HM13: variants seen among roughly 807,000 people sequenced by gnomAD.
HM13 encodes the protein signal peptide peptidase.
A neutral mutation model predicts 50.0 loss-of-function variants in HM13; 18 were observed. The ratio of observed to expected loss-of-function variants is 0.36; its 90% confidence interval spans 0.25 to 0.53. The LOEUF (loss-of-function observed/expected upper bound fraction) is 0.53. HM13 is among the 20% of genes least tolerant of loss of function. HM13 has a pLI of 0.90. For missense variants in HM13, 393 were observed against 552.4 expected, an observed-to-expected ratio of 0.71 and a Z score of 2.89; for synonymous variants, 197 against 232.6, an observed-to-expected ratio of 0.85 and a Z score of 1.39.
chr20:31,542,173 T>C (rs1983483998), intron 3 of HM13, among the ~76,000 whole-genome samples: 2 of 152,172 alleles, frequency 1.3e-5, no homozygotes, highest in Non-Finnish European at 2.9e-5. Flanking sequence ...ATTAAGCCTC[T>C]TTGGAACAAA....
chr20:31,552,664 T>A (rs1474761532), intron 7 of HM13, among the ~76,000 whole-genome samples: 1 of 152,160 alleles, frequency 6.6e-6, no homozygotes, highest in Non-Finnish European at 1.5e-5. Flanking sequence ...CCGTGTGGCC[T>A]TGGGGAGAAG....
intron 7 of HM13, among the ~76,000 whole-genome samples, chr20:31,552,207 T>C (rs1157457112): frequency 1.3e-5 from 2 of 152,128 alleles, no homozygotes; most frequent in African/African-American, 4.8e-5. Context: ...GGAAAATCTT[T>C]TCTGGGTCAT....
chr20:31,517,688 G>A (rs1422392681), intron 1 of HM13, among the ~76,000 whole-genome samples: 1 of 152,208 alleles, frequency 6.6e-6, no homozygotes, highest in African/African-American at 2.4e-5. Flanking sequence ...AGGCAGTGAA[G>A]AGTGTGGTGT....
In HM13 at chr20:31,549,116, T is replaced by C; in HGVS notation, c.540+2T>C. ...GGCGTCTGGTACCTGCTGAGGAAGG[T>C]GAGTAGTCAGGACCTGGGCAGAAGG... On this transcript the variant is annotated splice_donor_variant, in intron 5 of 12. Transcript: ENST00000398174. LOFTEE classifies it high-confidence loss of function. 6.2e-7 allele frequency: 1 copy of C among 1,613,822 alleles called. No individual in the cohort carries two copies. The highest frequency in any genetic ancestry group is 8.5e-7 in the Non-Finnish European group (1 of 1,179,832).
chr20:31,561,277 G>A (rs151080099), intron 9 of HM13, among the ~76,000 whole-genome samples: 58 of 152,200 alleles, frequency 3.8e-4, no homozygotes, highest in Middle Eastern at 3.4e-3. Context: ...ACTCCCTGGG[G>A]GTGGGACCTA....
At chr20:31,563,071 A>G (rs1309198991) in intron 10 of HM13, 1 of 152,306 alleles carries the variant, frequency 6.6e-6, no homozygotes, top group African/African-American at 2.4e-5. Flanking sequence ...TCTGGCACAC[A>G]GGAGTCCTCT....
At chr20:31,548,912 C>G in intron 4 of HM13, 117 bp from the exon 5 acceptor site, 1 of 914,716 alleles carries the variant, frequency 1.1e-6, no homozygotes, top group South Asian at 1.3e-5. Flanking sequence ...GGCTTAGCCC[C>G]GCCAGCCTGT....
intron 7 of HM13, among the ~76,000 whole-genome samples, chr20:31,553,864 A>T (rs1181969374): frequency 2.0e-5 from 3 of 152,062 alleles, no homozygotes; most frequent in Non-Finnish European, 4.4e-5. Context: ...GCTTCAGAAC[A>T]AGGGCCAACA....
intron 2 of HM13, among the ~76,000 whole-genome samples, chr20:31,534,034 C>T (rs899814097): frequency 2.0e-5 from 3 of 152,040 alleles, no homozygotes; most frequent in African/African-American, 7.2e-5. Context: ...CATGCACCAC[C>T]ACGCCCGCCT....
intron 7 of HM13, among the ~76,000 whole-genome samples, chr20:31,551,377 C>T (rs1030073501): frequency 6.6e-6 from 1 of 152,166 alleles, no homozygotes; most frequent in African/African-American, 2.4e-5. Flanking sequence ...GCTGCCACAG[C>T]TCCCAGCACT....
chr20:31,534,649 G>A (rs1983008147), intron 2 of HM13, among the ~76,000 whole-genome samples: 1 of 152,150 alleles, frequency 6.6e-6, no homozygotes, highest in Admixed American at 6.5e-5. Flanking sequence ...CAGGCGTGGT[G>A]GCACACACCT....
chr20:31,551,731 G>C (rs963195204), intron 7 of HM13, among the ~76,000 whole-genome samples: 2 of 152,196 alleles, frequency 1.3e-5, no homozygotes. Context: ...ACAGGCAGTC[G>C]TTGGGGGAGA....
chr20:31,569,004 C>T (rs2122680923), intron 12 of HM13, 116 bp from the exon 13 acceptor site: 2 of 688,608 alleles, frequency 2.9e-6, no homozygotes, highest in Non-Finnish European at 5.0e-6. Flanking sequence ...AGGGCTGACG[C>T]TCTGCATGTG....
At chr20:31,553,311 A>AT (rs1198555767) in intron 7 of HM13, among the ~76,000 whole-genome samples, 1 of 151,654 alleles carries the variant, frequency 6.6e-6, no homozygotes, top group Admixed American at 6.6e-5. Context: ...AAAAAAAAAA[A>AT]AAATGTTGGC....
At chr20:31,537,076 CA>C (rs1304360490) in intron 2 of HM13, among the ~76,000 whole-genome samples, 1 of 152,180 alleles carries the variant, frequency 6.6e-6, no homozygotes, top group African/African-American at 2.4e-5. Context: ...ACTATGTGAG[CA>C]AAGCTTCCCT....
chr20:31,559,482 G>T, intron 8 of HM13, 129 bp from the exon 9 acceptor site: 1 of 887,462 alleles, frequency 1.1e-6, no homozygotes. Flanking sequence ...TGAGAGTATT[G>T]GCCACACCCT....
At chr20:31,523,631 C>G (rs940460111) in intron 1 of HM13, among the ~76,000 whole-genome samples, 2 of 152,220 alleles carry the variant, frequency 1.3e-5, no homozygotes, top group Admixed American at 6.5e-5. Context: ...ACAGTATTAA[C>G]CTACCTGCCT....
chr20:31,539,145 T>TA (rs1983290269), intron 3 of HM13: 4 of 985,354 alleles, frequency 4.1e-6, no homozygotes, highest in African/African-American at 1.7e-5. Context: ...AGGGGGTTGC[T>TA]ACTTTTATTT....
At chr20:31,525,652 T>A (rs1982439542) in intron 1 of HM13, among the ~76,000 whole-genome samples, 1 of 152,100 alleles carries the variant, frequency 6.6e-6, no homozygotes, top group African/African-American at 2.4e-5. Context: ...CAGTGACATT[T>A]ACTAGGCCCT....
Sources: gnomAD v4.1 joint callset for allele counts (sites outside exome capture counted in the v4.1 genomes callset) on GRCh38, gnomAD v4.1.1 for gene constraint, MANE v1.5 for transcripts, NCBI Gene and HGNC (gene_info 2026-07-23, HGNC 2026-07-21) for gene names.